Variants in EXTL3 observed in about 807,000 individuals in gnomAD.
The protein encoded by EXTL3 is exostosin-like 3.
Under a neutral mutation model 69.3 loss-of-function variants are expected in EXTL3, and 27 were observed. That is an observed-to-expected ratio of 0.39 (90% CI 0.29 to 0.54). EXTL3 has a LOEUF of 0.54. EXTL3 is among the 20% of genes least tolerant of loss of function. The pLI, the probability that EXTL3 is intolerant of heterozygous loss-of-function variation, is 0.69. For synonymous variants in EXTL3, 511 were observed against 499.4 expected, an observed-to-expected ratio of 1.02 and a Z score of -0.31; for missense variants, 1,003 against 1,231.8, an observed-to-expected ratio of 0.81 and a Z score of 2.78.
chr8:28,627,118 C>G (rs938520460), intron 1 of EXTL3, among the ~76,000 whole-genome samples: 1 of 151,626 alleles, frequency 6.6e-6, no homozygotes, highest in African/African-American at 2.4e-5. Context: ...GGAGGTGGAT[C>G]TTGCAGTGAG....
chr8:28,703,992 A>G (rs1800866835), intron 1 of EXTL3, among the ~76,000 whole-genome samples: 1 of 152,214 alleles, frequency 6.6e-6, no homozygotes, highest in South Asian at 2.1e-4. Context: ...TGAGCTCAAG[A>G]GGGACAGAGG....
intron 3 of EXTL3, among the ~76,000 whole-genome samples, chr8:28,727,578 T>G (rs1291476323): frequency 2.0e-5 from 3 of 152,210 alleles, no homozygotes; most frequent in African/African-American, 4.8e-5. Context: ...TTAGGTTGTT[T>G]ATAGGATTGT....
upstream of EXTL3, chr8:28,697,460 G>A (rs541476142): frequency 6.6e-6 from 1 of 152,344 alleles, no homozygotes; most frequent in Admixed American, 6.5e-5. Flanking sequence ...CCAGACAGAA[G>A]ACCCACAGGC....
chr8:28,618,341 A>C (rs1192778669), upstream of EXTL3, among the ~76,000 whole-genome samples: 1 of 152,138 alleles, frequency 6.6e-6, no homozygotes, highest in Non-Finnish European at 1.5e-5. Context: ...ATAGTAAAAC[A>C]ATAGATGTGA....
chr8:28,755,888 A>G (rs1377683149), downstream of EXTL3, among the ~76,000 whole-genome samples: 1 of 152,186 alleles, frequency 6.6e-6, no homozygotes, highest in Admixed American at 6.5e-5. Context: ...TCTAGGGCAT[A>G]AATGTCTATG....
chr8:28,740,639 A>AT (rs1196315666), intron 5 of EXTL3: 1 of 152,076 alleles, frequency 6.6e-6, no homozygotes, highest in Non-Finnish European at 1.5e-5. Context: ...AAGCAGTTAG[A>AT]TTGGTCCTCT....
intron 1 of EXTL3, among the ~76,000 whole-genome samples, chr8:28,685,429 T>C (rs1807561189): frequency 6.6e-6 from 1 of 151,602 alleles, no homozygotes; most frequent in African/African-American, 2.4e-5. Context: ...CTTCCTCCTT[T>C]CCTTCCTTCT....
intron 1 of EXTL3, among the ~76,000 whole-genome samples, chr8:28,662,757 C>G (rs535479184): frequency 6.6e-6 from 1 of 151,870 alleles, no homozygotes; most frequent in South Asian, 2.1e-4. Flanking sequence ...CTAAAAAATA[C>G]AAAAATTAGC....
Position 28,754,605 on chromosome 8 carries a change from G to A in EXTL3, c.*3739G>A, listed in dbSNP as rs1463207888. 6.6e-6 allele frequency: 1 copy of A among 152,244 alleles called. No homozygotes were observed. The highest frequency in any genetic ancestry group is 1.5e-5 in the Non-Finnish European group (1 of 68,084). The allele number at this position is 152,244 out of a possible 1,614,324, so 9.4% of individuals were successfully genotyped here. A position where few individuals can be genotyped will look rare whatever the true frequency, so the allele number is the denominator to read the frequency against. On this transcript the variant is annotated 3_prime_UTR_variant, in exon 7 of 7. Coordinates refer to ENST00000220562, the MANE Select transcript of EXTL3 (RefSeq NM_001440.4). ...AGAGAGACTTGAGAAGGTGGCATGA[G>A]GCTGTAGAAAATGTGTCTTCCTATA... is the stretch of plus-strand genomic sequence containing the variant.
At position 28,701,825 on chromosome 8, in the gene EXTL3, C is replaced by T. The variant is rs112046928; in HGVS notation, c.-570+166C>T. Among the ~76,000 whole-genome samples, 204 of 152,092 alleles carry T rather than the reference C, an allele frequency of 1.3e-3. 2 individuals are homozygous for T. The Middle Eastern group carries it at 0.014, about 10-fold the overall frequency. On this transcript the variant is annotated intron_variant, in intron 1 of 6. Coordinates refer to ENST00000220562, the MANE Select transcript of EXTL3 (RefSeq NM_001440.4). The stretch of plus-strand genomic sequence containing the variant: ...TGCCCGGCGGCGGGAGGCATGCAGC[C>T]TCCGAGCGGAGTAGGCCTGCCCGGT...
chr8:28,660,376 A>G (rs1437627250), intron 1 of EXTL3, among the ~76,000 whole-genome samples: 2 of 152,276 alleles, frequency 1.3e-5, no homozygotes, highest in Admixed American at 1.3e-4. Context: ...CCAAAAAAAA[A>G]AAAAAGTTGT....
chr8:28,702,342 C>A (rs901115441), intron 1 of EXTL3, among the ~76,000 whole-genome samples: 2 of 152,190 alleles, frequency 1.3e-5, no homozygotes, highest in African/African-American at 4.8e-5. Flanking sequence ...CGGGCTGGAC[C>A]GGACAGGGGT....
intron 1 of EXTL3, among the ~76,000 whole-genome samples, chr8:28,634,309 G>A (rs1291199532): frequency 6.6e-6 from 1 of 152,134 alleles, no homozygotes; most frequent in Non-Finnish European, 1.5e-5. Context: ...AAGCCATGCT[G>A]TGTCTGCCTG....
chr8:28,745,243 C>T (rs902936471), intron 6 of EXTL3, among the ~76,000 whole-genome samples: 9 of 152,180 alleles, frequency 5.9e-5, no homozygotes, highest in African/African-American at 1.9e-4. Flanking sequence ...CACCAGAGGA[C>T]GCTGGTTCCA....
chr8:28,715,167 T>C (rs1001508812), intron 2 of EXTL3, among the ~76,000 whole-genome samples: 9 of 152,192 alleles, frequency 5.9e-5, no homozygotes, highest in Non-Finnish European at 1.0e-4. Context: ...AGAAGACTTA[T>C]AGGTTAGGAA....
Position 28,743,476 on chromosome 8 carries a change from T to C in EXTL3, c.2550+262T>C, listed in dbSNP as rs538580082. On this transcript the variant is annotated intron_variant, in intron 6 of 6. Coordinates refer to ENST00000220562, the MANE Select transcript of EXTL3 (RefSeq NM_001440.4). ...TGTTGCATCATTATTTTTATTAATG[T>C]CTTACTGGAATAAAGCATTTTCTTC... is the stretch of plus-strand genomic sequence containing the variant. Among the ~76,000 whole-genome samples the C allele has an allele frequency of 5.3e-5, 8 of 152,352 alleles. No individual in the cohort carries two copies. The South Asian group carries it at 1.7e-3, about 32-fold the overall frequency.
At chr8:28,631,143 C>CTTT (rs10659135) in intron 1 of EXTL3, among the ~76,000 whole-genome samples, 12,869 of 144,736 alleles carry the variant, frequency 0.089, 1,767 homozygotes, top group African/African-American at 0.3. Flanking sequence ...TTAGAGAGGA[C>CTTT]TTTTTTTTTT....
intron 1 of EXTL3, among the ~76,000 whole-genome samples, chr8:28,643,237 C>T (rs917385437): frequency 6.6e-6 from 1 of 151,974 alleles, no homozygotes; most frequent in Non-Finnish European, 1.5e-5. Flanking sequence ...GAGCAAGACT[C>T]CATCTCAAAA....
At chr8:28,742,871 G>A (rs1801809036) in intron 5 of EXTL3, 1 of 584,444 alleles carries the variant, frequency 1.7e-6, no homozygotes, top group Admixed American at 2.5e-5. Flanking sequence ...GTTACTAAAG[G>A]GGGTGATGAT....
Sources: allele counts gnomAD v4.1 joint callset (sites outside exome capture counted in the v4.1 genomes callset), GRCh38; gene constraint gnomAD v4.1.1; transcripts MANE v1.5; gene names NCBI Gene and HGNC (gene_info 2026-07-23, HGNC 2026-07-21).